SAMD12: variants seen among roughly 807,000 people sequenced by gnomAD.
The protein encoded by SAMD12 is sterile alpha motif domain containing 12, also known as sterile alpha motif domain-containing protein 12.
Under a neutral mutation model 15.0 loss-of-function variants are expected in SAMD12, and 9 were observed. That is an observed-to-expected ratio of 0.60 (90% CI 0.36 to 1.05). The LOEUF (loss-of-function observed/expected upper bound fraction) is 1.05. SAMD12 is among the 50% of genes least tolerant of loss of function. The pLI, the probability that SAMD12 is intolerant of heterozygous loss-of-function variation, is 0.01. For missense variants in SAMD12, 230 were observed against 234.2 expected, an observed-to-expected ratio of 0.98 and a Z score of 0.12; for synonymous variants, 86 against 90.1, an observed-to-expected ratio of 0.96 and a Z score of 0.25.
chr8:118,156,891 G>GTGAA, the SAMD12 span, among the ~76,000 whole-genome samples: 39,211 of 151,780 alleles, frequency 0.26, 5,159 homozygotes, highest in Admixed American at 0.31. Context: ...ACATGAGTAA[G>GTGAA]TGAATGAATG....
intron 2 of SAMD12, among the ~76,000 whole-genome samples, chr8:118,507,991 C>CGTTTTT (rs755924168): frequency 9.2e-6 from 1 of 108,820 alleles, no homozygotes; most frequent in African/African-American, 3.5e-5. Flanking sequence ...GTATAATCTC[C>CGTTTTT]TTTTTTTTTT....
chr8:118,382,255 G>C (rs1031845168), intron 3 of SAMD12, among the ~76,000 whole-genome samples: 3 of 152,192 alleles, frequency 2.0e-5, no homozygotes, highest in Admixed American at 6.5e-5. Context: ...TTGGGCTGTG[G>C]TTTCACAAGC....
chr8:118,206,398 C>T (rs1819863965), intron 4 of SAMD12, among the ~76,000 whole-genome samples: 1 of 152,146 alleles, frequency 6.6e-6, no homozygotes, highest in Admixed American at 6.5e-5. Context: ...GGATATAATA[C>T]AGTGCAGTGA....
the SAMD12 span, among the ~76,000 whole-genome samples, chr8:118,138,287 T>C: frequency 6.6e-6 from 1 of 152,084 alleles, no homozygotes; most frequent in South Asian, 2.1e-4. Flanking sequence ...CTGCAGGAAA[T>C]AGAAACCACT....
intron 2 of SAMD12, among the ~76,000 whole-genome samples, chr8:118,541,194 T>C (rs574158162): frequency 6.6e-6 from 1 of 152,356 alleles, no homozygotes; most frequent in Admixed American, 6.5e-5. Flanking sequence ...TGAGCCCACT[T>C]TTCTGATGAG....
intron 3 of SAMD12, 48 bp from the exon 4 acceptor site, chr8:118,379,748 G>A: frequency 1.3e-6 from 2 of 1,585,796 alleles, no homozygotes; most frequent in Non-Finnish European, 1.7e-6. Flanking sequence ...ACTACTTGCT[G>A]AAGAAAGATG....
chr8:118,484,162 T>C (rs1018774876), intron 2 of SAMD12, among the ~76,000 whole-genome samples: 3 of 152,112 alleles, frequency 2.0e-5, no homozygotes, highest in Admixed American at 1.3e-4. Flanking sequence ...AAGTCAATTA[T>C]GTGGACGAGG....
chr8:118,139,309 T>C, the SAMD12 span, among the ~76,000 whole-genome samples: 2 of 152,180 alleles, frequency 1.3e-5, no homozygotes, highest in African/African-American at 4.8e-5. Flanking sequence ...TGGATATATT[T>C]CTCATTCACT....
chr8:118,398,504 T>G (rs1820703776), intron 3 of SAMD12, among the ~76,000 whole-genome samples: 2 of 152,354 alleles, frequency 1.3e-5, no homozygotes, highest in South Asian at 4.1e-4. Flanking sequence ...GATCTAAAGC[T>G]TATCTTCTCC....
At chr8:118,560,569 A>C (rs1401020980) in intron 2 of SAMD12, among the ~76,000 whole-genome samples, 1 of 152,216 alleles carries the variant, frequency 6.6e-6, no homozygotes, top group African/African-American at 2.4e-5. Flanking sequence ...GAAAAACTGA[A>C]AGCTAAAAAC....
chr8:118,339,266 G>A (rs1351373418), intron 4 of SAMD12, among the ~76,000 whole-genome samples: 1 of 152,100 alleles, frequency 6.6e-6, no homozygotes, highest in African/African-American at 2.4e-5. Context: ...GGAGGTGAGG[G>A]CTGTAGTGAG....
chr8:118,258,067 C>A (rs928371406), intron 4 of SAMD12, among the ~76,000 whole-genome samples: 2 of 152,080 alleles, frequency 1.3e-5, no homozygotes, highest in Non-Finnish European at 2.9e-5. Context: ...CGGTGTCAGG[C>A]AGATGCTGAG....
the SAMD12 span, among the ~76,000 whole-genome samples, chr8:118,145,910 G>A: frequency 2.0e-5 from 3 of 152,188 alleles, no homozygotes; most frequent in Non-Finnish European, 4.4e-5. Context: ...GAGCTTGAAG[G>A]CATTAACAGC....
intron 4 of SAMD12, among the ~76,000 whole-genome samples, chr8:118,241,995 T>C (rs1256378362): frequency 1.3e-5 from 2 of 152,102 alleles, no homozygotes; most frequent in Non-Finnish European, 2.9e-5. Context: ...CACCGAAGCC[T>C]TGACCTCCCT....
chr8:118,138,097 C>A, the SAMD12 span, among the ~76,000 whole-genome samples: 4 of 152,002 alleles, frequency 2.6e-5, no homozygotes, highest in African/African-American at 9.7e-5. Flanking sequence ...GAGGGTGAGA[C>A]TGAAAGTAAA....
chr8:118,346,237 T>G (rs1190422770), intron 4 of SAMD12, among the ~76,000 whole-genome samples: 1 of 152,160 alleles, frequency 6.6e-6, no homozygotes, highest in Non-Finnish European at 1.5e-5. Context: ...TAATATAGAT[T>G]TATACAAATA....
chr8:118,278,604 C>T (rs980313870), intron 4 of SAMD12, among the ~76,000 whole-genome samples: 1 of 152,186 alleles, frequency 6.6e-6, no homozygotes, highest in Non-Finnish European at 1.5e-5. Context: ...CTATTTGCTG[C>T]TGTTAAGTGC....
chr8:118,443,003 T>A (rs1323556679), intron 2 of SAMD12, among the ~76,000 whole-genome samples: 1 of 152,222 alleles, frequency 6.6e-6, no homozygotes, highest in African/African-American at 2.4e-5. Flanking sequence ...GAATGCATCC[T>A]CACCAGCCCA....
exon 5 of SAMD12, chr8:118,192,450 G>T (rs571520106): frequency 5.3e-5 from 8 of 152,136 alleles, no homozygotes; most frequent in Non-Finnish European, 1.2e-4. Flanking sequence ...TGAGGTATTA[G>T]TATCTCCAGT....
Sources: gnomAD v4.1 joint callset for allele counts (sites outside exome capture counted in the v4.1 genomes callset) on GRCh38, gnomAD v4.1.1 for gene constraint, MANE v1.5 for transcripts, NCBI Gene and HGNC (gene_info 2026-07-23, HGNC 2026-07-21) for gene names.